PCNX3: variants seen among roughly 807,000 people sequenced by gnomAD.
PCNX3 encodes pecanex-like protein 3.
In PCNX3, 58 loss-of-function variants were observed where a neutral mutation model predicts 207.2. The observed-to-expected ratio is 0.28, with a 90% CI of 0.23 to 0.35. The LOEUF is 0.35. Ranked by LOEUF, PCNX3 falls within the 10% of genes least tolerant of loss-of-function variation. The pLI is 1.00. For missense variants in PCNX3, 2,410 were observed against 2,774.4 expected (o/e 0.87, Z 2.95); for synonymous variants, 1,337 against 1,183.5 (o/e 1.13, Z -2.66).
intron 9 of PCNX3, 116 bp from the exon 10 acceptor site, chr11:65,620,715 G>T: frequency 7.2e-7 from 1 of 1,389,122 alleles, no homozygotes; most frequent in Admixed American, 2.0e-5. Flanking sequence ...TGTCCCTTGA[G>T]CCCTGGTTGG....
intron 26 of PCNX3, 145 bp downstream of exon 26, chr11:65,629,880 G>T: frequency 3.3e-6 from 3 of 896,376 alleles, no homozygotes; most frequent in Non-Finnish European, 5.1e-6. Context: ...TCCTCCCTGG[G>T]CCTGCGTTTC....
At chr11:65,617,538 A>C in intron 4 of PCNX3, 29 bp downstream of exon 4, 1 of 1,613,894 alleles carries the variant, frequency 6.2e-7, no homozygotes, top group Non-Finnish European at 8.5e-7. Flanking sequence ...GGGTTGGAGC[A>C]TAGTGCTGTG....
In PCNX3 at chr11:65,620,868, G is replaced by T; in HGVS notation, c.2137G>T (p.Asp713Tyr). Reference sequence around the variant, plus strand: ...GCATTCCTCCAGCTTCCACTCGGCTGATGTCCCTGAGGCTACAGGCGGCCT... The same window carrying T: ...GCATTCCTCCAGCTTCCACTCGGCTTATGTCCCTGAGGCTACAGGCGGCCT... Reference protein sequence around the residue: ...HSHSSSFHSADVPEATGGLNL... With the variant: ...HSHSSSFHSAYVPEATGGLNL... Residue 713 changes from aspartate to tyrosine, a missense_variant, in exon 10 of 35, where the codon GAT becomes TAT. This residue lies in a region of PCNX3 where 1,104 missense variants were observed against 970.3 expected (regional missense o/e 1.14). Coordinates refer to ENST00000355703, the MANE Select transcript of PCNX3 (RefSeq NM_032223.4). The T allele has an allele frequency of 1.9e-6, 3 of 1,587,012 alleles. No individual in the cohort carries two copies. The highest frequency in any genetic ancestry group is 2.6e-6 in the Non-Finnish European group (3 of 1,167,386).
At position 65,630,494 on chromosome 11, in the gene PCNX3, G is replaced by A; in HGVS notation, c.4360G>A (p.Val1454Ile). 6.2e-7 allele frequency: 1 copy of A among 1,613,542 alleles called. No individual in the cohort carries two copies. Among genetic ancestry groups the A allele is most frequent in the Non-Finnish European group, 8.5e-7 (1 of 1,179,874 alleles). The change falls in exon 27 of 35, where the codon GTA becomes ATA. Residue 1454 changes from valine to isoleucine, a missense_variant. This residue lies in a region of PCNX3 where 420 missense variants were observed against 705.3 expected (regional missense o/e 0.60). Transcript: ENST00000355703. ...TGGGCAGCGCTGGCTGGCTTGGGAG[G>A]TAACAGCCAGCAAGTACGTGCTGGA... ...AFGQRWLAWEVTASKYVLEGY... is the reference protein window; with the variant it reads ...AFGQRWLAWEITASKYVLEGY...
intron 11 of PCNX3, 136 bp downstream of exon 11, chr11:65,622,502 G>C: frequency 8.6e-7 from 1 of 1,157,198 alleles, no homozygotes; most frequent in East Asian, 2.6e-5. Flanking sequence ...TCGTTGGCTG[G>C]AGTCTGCAGT....
At chr11:65,616,496 C>T (rs768390217) in intron 1 of PCNX3, 32 bp downstream of exon 1, 8 of 1,583,674 alleles carry the variant, frequency 5.1e-6, no homozygotes, top group East Asian at 2.3e-5. Context: ...TAACTCCAGC[C>T]GGGAGAGGGA....
Position 65,637,337 on chromosome 11 carries a change from T to G in PCNX3, c.*359T>G. ...CTTGGCCTGGACCTGGGGCCTGAAT[T>G]GTGGGAAGGGTGGTTTCTTTCTTTC... On this transcript the variant is annotated 3_prime_UTR_variant, in exon 35 of 35. Coordinates refer to ENST00000355703, the MANE Select transcript of PCNX3 (RefSeq NM_032223.4). The G allele has an allele frequency of 3.7e-6, 1 of 271,796 alleles. No individual in the cohort carries two copies. 16.8% of individuals were successfully genotyped at this position (271,796 alleles called of 1,614,324 possible).
At chr11:65,616,685 G>C in intron 1 of PCNX3, 139 bp from the exon 2 acceptor site, 1 of 1,046,384 alleles carries the variant, frequency 9.6e-7, no homozygotes, top group South Asian at 1.6e-5. Context: ...GCCCTTTGTC[G>C]AGGTCTGTGT....
chr11:65,619,676 G>T lies in PCNX3; in HGVS notation c.1829+16G>T. ...CGCCGCCCAGGTGAGCACCTTGCCAGCTGTGCCGAGGGGCACCGGGGGCCG... is the reference window on the plus strand; with the variant it reads ...CGCCGCCCAGGTGAGCACCTTGCCATCTGTGCCGAGGGGCACCGGGGGCCG... On this transcript the variant is annotated intron_variant, in intron 7 of 34. Coordinates refer to ENST00000355703, the MANE Select transcript of PCNX3 (RefSeq NM_032223.4). 1 of 1,588,520 alleles carries T rather than the reference G, an allele frequency of 6.3e-7. No individual in the cohort carries two copies. Among genetic ancestry groups the T allele is most frequent in the South Asian group, 1.1e-5 (1 of 89,026 alleles).
intron 22 of PCNX3, among the ~76,000 whole-genome samples, chr11:65,628,004 G>A (rs190962838): frequency 1.3e-5 from 2 of 152,310 alleles, no homozygotes; most frequent in Admixed American, 6.5e-5. Context: ...GTGCTCTGCC[G>A]GCTGTGGCAT....
chr11:65,628,813 G>A lies in PCNX3; in HGVS notation c.3812-6G>A. 6.2e-7 allele frequency: 1 copy of A among 1,610,902 alleles called. No individual in the cohort carries two copies. The highest frequency in any genetic ancestry group is 8.5e-7 in the Non-Finnish European group (1 of 1,179,740). Reference sequence around the variant, plus strand: ...GTTGCCCGCCGCCTCCTTGACTGTGGCTCAGACTCGGCCATGCTGTTCGTC... The same window carrying A: ...GTTGCCCGCCGCCTCCTTGACTGTGACTCAGACTCGGCCATGCTGTTCGTC... On this transcript the variant is annotated splice_region_variant and splice_polypyrimidine_tract_variant and intron_variant, in intron 23 of 34. Transcript: ENST00000355703.
At position 65,622,349 on chromosome 11, in the gene PCNX3, G is replaced by A. The variant is rs1421113366; in HGVS notation, c.2340G>A (p.Leu780=). ...CTGTGCGCTATGAGCGGCTTGCCCT[G>A]CTGGCTCTGCTGGACCGGTGAGTGT... The part of the protein sequence containing the change: ...WTSVRYERLA[L]LALLDRTRGV... Residue 780 remains leucine, a synonymous_variant, in exon 11 of 35, where the codon CTG becomes CTA. Coordinates refer to ENST00000355703, the MANE Select transcript of PCNX3 (RefSeq NM_032223.4). 4 of 1,591,338 alleles carry A rather than the reference G, an allele frequency of 2.5e-6. No individual in the cohort carries two copies. The highest frequency in any genetic ancestry group is 3.4e-6 in the Non-Finnish European group (4 of 1,170,928).
chr11:65,616,228 C>T lies in PCNX3; in HGVS notation c.-84C>T. The T allele has an allele frequency of 1.7e-6, 2 of 1,176,370 alleles. No individual in the cohort carries two copies. The highest frequency in any genetic ancestry group is 2.2e-6 in the Non-Finnish European group (2 of 890,578). 72.9% of individuals were successfully genotyped at this position (1,176,370 alleles called of 1,614,324 possible). On this transcript the variant is annotated 5_prime_UTR_variant, in exon 1 of 35. Coordinates refer to ENST00000355703, the MANE Select transcript of PCNX3 (RefSeq NM_032223.4). ...TGAGCGTGAGGCCGGGCCCCGGGGC[C>T]CTCAGGCGCCAGACGGGGCATGGGC...
chr11:65,626,339 A>G (rs1434805130), intron 20 of PCNX3: 1 of 613,396 alleles, frequency 1.6e-6, no homozygotes, highest in Non-Finnish European at 3.0e-6. Context: ...CAGGGCCCTG[A>G]AGGGATCTCT....
At chr11:65,623,779 T>C (rs1336034753) in intron 12 of PCNX3, 135 bp downstream of exon 12, 6 of 1,517,874 alleles carry the variant, frequency 4.0e-6, no homozygotes, top group Non-Finnish European at 5.4e-6. Context: ...GGCCAGCTCT[T>C]TTACAAGCAA....
Position 65,625,626 on chromosome 11 carries a change from G to A in PCNX3, c.3136-26G>A, listed in dbSNP as rs1347702074. ...GCTGAGTGTCTCTCCTGGCCGGGCA[G>A]CTGAATGTCTCTCCTGGCCCTGCAG... is the stretch of plus-strand genomic sequence containing the variant. On this transcript the variant is annotated intron_variant, in intron 18 of 34. Coordinates refer to ENST00000355703, the MANE Select transcript of PCNX3 (RefSeq NM_032223.4). The surrounding 1 kb of genome is among the most constrained non-coding windows in gnomAD (Gnocchi z 5.6). 13 of 1,603,964 alleles carry A rather than the reference G, an allele frequency of 8.1e-6. No individual in the cohort carries two copies. In the South Asian group the frequency reaches 1.4e-4, roughly 18 times the overall value.
At chr11:65,627,141 T>C (rs1565165670) in intron 21 of PCNX3, 93 bp downstream of exon 21, 10 of 1,425,502 alleles carry the variant, frequency 7.0e-6, no homozygotes, top group Non-Finnish European at 3.7e-6. Flanking sequence ...GAATCATGTC[T>C]AAGGTTGTTT....
At chr11:65,622,164 G>C (rs571255222) in intron 10 of PCNX3, 81 bp from the exon 11 acceptor site, 121 of 1,507,758 alleles carry the variant, frequency 8.0e-5, no homozygotes, top group Middle Eastern at 1.8e-4. Flanking sequence ...TAGACCATGT[G>C]GGGGGTGGCG....
At chr11:65,620,271 C>T (rs1037643874) in intron 8 of PCNX3, 68 bp from the exon 9 acceptor site, 5 of 1,455,082 alleles carry the variant, frequency 3.4e-6, no homozygotes, top group Non-Finnish European at 4.7e-6. Context: ...GGGTCTGGTG[C>T]CCACGTGAGC....
Sources: gnomAD v4.1 joint callset for allele counts (sites outside exome capture counted in the v4.1 genomes callset) on GRCh38, gnomAD v4.1.1 for gene constraint, gnomAD v4.1.1 regional missense constraint, Gnocchi (gnomAD v3.1) non-coding constraint, MANE v1.5 for transcripts, NCBI Gene and HGNC (gene_info 2026-07-23, HGNC 2026-07-21) for gene names.